ARHGEF4: variants seen among roughly 807,000 people sequenced by gnomAD.
ARHGEF4 encodes Rho guanine nucleotide exchange factor 4.
A neutral mutation model predicts 162.0 loss-of-function variants in ARHGEF4; 119 were observed. That is an observed-to-expected ratio of 0.73 (90% confidence interval 0.63 to 0.86). ARHGEF4 has a LOEUF of 0.86. Among genes scored for constraint, ARHGEF4 ranks in the 40% least tolerant of loss-of-function variants. The pLI, the probability that ARHGEF4 is intolerant of heterozygous loss-of-function variation, is 0.00. For missense variants in ARHGEF4, 2,488 were observed against 2,456.0 expected, an observed-to-expected ratio of 1.01 and a Z score of -0.28; for synonymous variants, 1,014 against 979.9, an observed-to-expected ratio of 1.03 and a Z score of -0.65.
At chr2:130,963,534 AAG>A (rs1336710246) in intron 4 of ARHGEF4, 1 of 151,792 alleles carries the variant, frequency 6.6e-6, no homozygotes, top group Admixed American at 6.6e-5. Flanking sequence ...GTCGCCTCCT[AAG>A]GATGGCCCTG....
At chr2:130,942,157 T>C (rs1683344269) in intron 3 of ARHGEF4, among the ~76,000 whole-genome samples, 1 of 149,096 alleles carries the variant, frequency 6.7e-6, no homozygotes, top group Non-Finnish European at 1.5e-5. Flanking sequence ...TTTTTCTTTT[T>C]TTTTTTTTTT....
chr2:130,843,260 C>T (rs1680731481), intron 1 of ARHGEF4, among the ~76,000 whole-genome samples: 1 of 152,184 alleles, frequency 6.6e-6, no homozygotes, highest in South Asian at 2.1e-4. Flanking sequence ...GAAGGAGGGT[C>T]TAAACTCCAG....
intron 4 of ARHGEF4, among the ~76,000 whole-genome samples, chr2:130,977,521 ATG>A (rs1045047877): frequency 1.3e-5 from 2 of 151,278 alleles, no homozygotes; most frequent in African/African-American, 4.9e-5. Flanking sequence ...TATGTTGTGC[ATG>A]TGTGGTATAC....
intron 1 of ARHGEF4, among the ~76,000 whole-genome samples, chr2:130,895,675 C>CT (rs1470407467): frequency 1.3e-5 from 2 of 152,058 alleles, no homozygotes; most frequent in Non-Finnish European, 2.9e-5. Context: ...TTTGCATATG[C>CT]TTTTTTTGGG....
chr2:130,977,600 T>A (rs1296260326), intron 4 of ARHGEF4, among the ~76,000 whole-genome samples: 1 of 152,068 alleles, frequency 6.6e-6, no homozygotes, highest in Non-Finnish European at 1.5e-5. Flanking sequence ...GTGTGGTGCA[T>A]ATGCGTTGCA....
chr2:131,044,681 TC>T, intron 12 of ARHGEF4, 139 bp downstream of exon 12: 1 of 1,196,068 alleles, frequency 8.4e-7, no homozygotes, highest in Non-Finnish European at 1.1e-6. Flanking sequence ...CACCTCTAGG[TC>T]CCAGTCATGA....
intron 4 of ARHGEF4, among the ~76,000 whole-genome samples, chr2:131,019,210 C>T (rs899512774): frequency 5.9e-5 from 9 of 151,738 alleles, no homozygotes; most frequent in African/African-American, 1.5e-4. Flanking sequence ...GTTGGGAGTT[C>T]GAGACCAGCC....
intron 1 of ARHGEF4, among the ~76,000 whole-genome samples, chr2:130,886,884 G>T (rs1477332233): frequency 6.6e-6 from 1 of 151,146 alleles, no homozygotes; most frequent in Non-Finnish European, 1.5e-5. Context: ...AGCAGCATTT[G>T]TTGAAAAGAC....
chr2:130,961,621 G>A (rs757023922), intron 4 of ARHGEF4, among the ~76,000 whole-genome samples: 3 of 152,190 alleles, frequency 2.0e-5, no homozygotes, highest in Non-Finnish European at 4.4e-5. Context: ...TGTGATTTAT[G>A]TGTATTTTAG....
At chr2:130,962,784 A>G (rs1420466653) in intron 4 of ARHGEF4, among the ~76,000 whole-genome samples, 1 of 151,126 alleles carries the variant, frequency 6.6e-6, no homozygotes, top group Non-Finnish European at 1.5e-5. Flanking sequence ...GCTTTGGGGG[A>G]ATGATAATGC....
intron 3 of ARHGEF4, among the ~76,000 whole-genome samples, chr2:130,931,759 A>C (rs1226390365): frequency 6.6e-6 from 1 of 152,250 alleles, no homozygotes; most frequent in East Asian, 1.9e-4. Flanking sequence ...CCTACTAAAA[A>C]GTAAATTAAT....
chr2:130,977,454 T>C (rs1394832159), intron 4 of ARHGEF4, among the ~76,000 whole-genome samples: 1 of 151,946 alleles, frequency 6.6e-6, no homozygotes, highest in Admixed American at 6.6e-5. Context: ...GTTGCGTGTG[T>C]GTGTAGTGTT....
At chr2:131,006,754 A>T (rs1688137825) in intron 4 of ARHGEF4, among the ~76,000 whole-genome samples, 1 of 152,200 alleles carries the variant, frequency 6.6e-6, no homozygotes, top group Non-Finnish European at 1.5e-5. Flanking sequence ...AGGTGAGGCC[A>T]CCCACCAAAG....
At chr2:130,983,139 C>A (rs574217232) in intron 4 of ARHGEF4, among the ~76,000 whole-genome samples, 1 of 152,304 alleles carries the variant, frequency 6.6e-6, no homozygotes, top group Non-Finnish European at 1.5e-5. Flanking sequence ...TAAAACATCC[C>A]ATTTACATGT....
At chr2:130,892,986 G>A (rs1013407166) in intron 1 of ARHGEF4, among the ~76,000 whole-genome samples, 1 of 152,210 alleles carries the variant, frequency 6.6e-6, no homozygotes, top group Non-Finnish European at 1.5e-5. Context: ...CTGTTTACGG[G>A]ACAGTGGCAT....
chr2:131,026,077 C>G (rs1158726351), intron 4 of ARHGEF4, among the ~76,000 whole-genome samples: 2 of 152,150 alleles, frequency 1.3e-5, no homozygotes, highest in Non-Finnish European at 2.9e-5. Context: ...GATGCAGACC[C>G]AGCTATCTAG....
intron 5 of ARHGEF4, among the ~76,000 whole-genome samples, chr2:131,028,977 G>A (rs1374179335): frequency 6.6e-6 from 1 of 152,194 alleles, no homozygotes; most frequent in Non-Finnish European, 1.5e-5. Context: ...CCAGTGAGGA[G>A]GGTGGCGTCC....
At chr2:131,017,776 C>A (rs1688860238) in intron 4 of ARHGEF4, among the ~76,000 whole-genome samples, 1 of 152,100 alleles carries the variant, frequency 6.6e-6, no homozygotes, top group Admixed American at 6.6e-5. Flanking sequence ...TAGCAGAGAA[C>A]TGAAAGAAAT....
At chr2:130,973,109 A>G (rs1452137067) in intron 4 of ARHGEF4, among the ~76,000 whole-genome samples, 4 of 152,286 alleles carry the variant, frequency 2.6e-5, no homozygotes, top group Non-Finnish European at 5.9e-5. Context: ...CTCCACAGGT[A>G]AGTGATGTGA....
Sources: allele counts gnomAD v4.1 joint callset (sites outside exome capture counted in the v4.1 genomes callset), GRCh38; gene constraint gnomAD v4.1.1; transcripts MANE v1.5; gene names NCBI Gene and HGNC (gene_info 2026-07-23, HGNC 2026-07-21).